Variants in MTCL1 observed in about 807,000 individuals in gnomAD.
MTCL1 encodes the protein microtubule crosslinking factor 1.
A neutral mutation model predicts 141.4 loss-of-function variants in MTCL1; 79 were observed. The observed-to-expected ratio is 0.56, with a 90% CI of 0.47 to 0.67. The LOEUF is 0.67. MTCL1 is among the 30% of genes least tolerant of loss of function. The probability of loss-of-function intolerance (pLI) is 0.00; values close to 1 mark genes in which losing one functional copy is unlikely to be tolerated. For missense variants in MTCL1, 2,177 were observed against 2,113.9 expected, an observed-to-expected ratio of 1.03 and a Z score of -0.59; for synonymous variants, 914 against 875.8, an observed-to-expected ratio of 1.04 and a Z score of -0.77.
Position 8,825,308 on chromosome 18 carries a change from G to T in MTCL1, c.3798G>T (p.Gly1266=), listed in dbSNP as rs779539066. 3.9e-6 allele frequency: 6 copies of T among 1,540,644 alleles called. No individual in the cohort carries two copies. The African/African-American group carries it at 5.5e-5, about 14-fold the overall frequency. The change falls in exon 15 of 17, where the codon GGG becomes GGT. Residue 1266 remains glycine, a synonymous_variant. Transcript: ENST00000359865. ...ATAGTCCCCTCTGTACCTCCCTGGG[G>T]TTTGCCTCCCCACTGCACAGCCTGG...
At chr18:8,829,462 G>C (rs1453643222) in intron 16 of MTCL1, 1 of 959,456 alleles carries the variant, frequency 1.0e-6, no homozygotes, top group African/African-American at 1.8e-5. Flanking sequence ...AATATATCTT[G>C]TCCTTCCAAG....
At chr18:8,751,157 T>G (rs192929085) in intron 4 of MTCL1, among the ~76,000 whole-genome samples, 1 of 152,220 alleles carries the variant, frequency 6.6e-6, no homozygotes, top group East Asian at 1.9e-4. Flanking sequence ...GAGAACAAAA[T>G]ATTTATGCAA....
intron 15 of MTCL1, among the ~76,000 whole-genome samples, chr18:8,826,548 T>C (rs1386278265): frequency 1.3e-5 from 2 of 152,190 alleles, no homozygotes; most frequent in Non-Finnish European, 2.9e-5. Context: ...CAGTTTGCCT[T>C]CTTTCTGTGT....
In MTCL1 at chr18:8,785,461, C is replaced by T. The variant is rs985592962; in HGVS notation, c.1732-475C>T. On this transcript the variant is annotated intron_variant, in intron 6 of 16. Coordinates refer to ENST00000359865, the Ensembl canonical transcript of MTCL1. ...CGCCCTGCCGCCGCTGGGGAGGGCG[C>T]GGAGGGTCTCCGAGGACTGCTGTCC... is the stretch of plus-strand genomic sequence containing the variant. 5.3e-5 allele frequency among the ~76,000 whole-genome samples: 8 copies of T among 152,080 alleles called. 1 individual carries two copies. In the South Asian group the frequency reaches 6.2e-4, roughly 12 times the overall value.
chr18:8,816,541 A>G (rs3865384), intron 12 of MTCL1, among the ~76,000 whole-genome samples: 97,960 of 151,364 alleles, frequency 0.65, 31,976 homozygotes, highest in Non-Finnish European at 0.68. Context: ...TTATGGAGTC[A>G]CACTACATTT....
chr18:8,791,272 T>C (rs1447564287), intron 7 of MTCL1, among the ~76,000 whole-genome samples: 2 of 152,112 alleles, frequency 1.3e-5, no homozygotes, highest in Admixed American at 6.5e-5. Context: ...CATGAGCCTC[T>C]GGATCAGGAG....
At chr18:8,706,330 C>A in exon 1 of MTCL1, 1 of 1,230,434 alleles carries the variant, frequency 8.1e-7, no homozygotes, top group Non-Finnish European at 1.0e-6. Context: ...GTCCGACGAG[C>A]AGCGCCTGCT....
chr18:8,734,032 C>T (rs992529255), intron 4 of MTCL1, among the ~76,000 whole-genome samples: 3 of 152,120 alleles, frequency 2.0e-5, no homozygotes, highest in African/African-American at 7.2e-5. Context: ...TCATCTAACC[C>T]TCGTGGAAAC....
intron 4 of MTCL1, among the ~76,000 whole-genome samples, chr18:8,736,233 G>A (rs943734712): frequency 6.6e-6 from 1 of 152,170 alleles, no homozygotes; most frequent in Non-Finnish European, 1.5e-5. Context: ...TGATTTCAGA[G>A]ATGTTAAAAT....
intron 12 of MTCL1, among the ~76,000 whole-genome samples, chr18:8,816,894 C>T (rs182308546): frequency 9.2e-4 from 140 of 152,328 alleles, no homozygotes; most frequent in African/African-American, 3.2e-3. Context: ...AGGAAACCCT[C>T]CCTCTCTGAG....
chr18:8,792,313 T>C (rs1211839526), intron 7 of MTCL1, among the ~76,000 whole-genome samples: 1 of 152,158 alleles, frequency 6.6e-6, no homozygotes, highest in Non-Finnish European at 1.5e-5. Flanking sequence ...ACATAAAAGG[T>C]AGACTTTACC....
chr18:8,739,661 G>A lies in MTCL1; in HGVS notation c.357+19165G>A, dbSNP rs549854549. ...CTGCTCAAAGGGGAGGTCTGTGTGT[G>A]GGTTTTAGTACTGATACCAAGAGGG... On this transcript the variant is annotated intron_variant, in intron 4 of 16. Coordinates refer to ENST00000359865, the Ensembl canonical transcript of MTCL1. Among the ~76,000 whole-genome samples, 3 of 152,162 alleles carry A rather than the reference G, an allele frequency of 2.0e-5. 1 individual carries two copies. Among genetic ancestry groups the A allele is most frequent in the Admixed American group, 1.3e-4 (2 of 15,284 alleles).
chr18:8,790,509 G>A (rs2075683014), intron 7 of MTCL1, among the ~76,000 whole-genome samples: 2 of 152,206 alleles, frequency 1.3e-5, no homozygotes, highest in Admixed American at 1.3e-4. Context: ...GTCCTGCACG[G>A]AACACCTGAG....
chr18:8,792,067 G>A (rs1196589337), intron 7 of MTCL1, among the ~76,000 whole-genome samples: 1 of 152,198 alleles, frequency 6.6e-6, no homozygotes, highest in Non-Finnish European at 1.5e-5. Flanking sequence ...TATCCTCAGG[G>A]AGAAGTAGTA....
chr18:8,793,147 A>G lies in MTCL1; in HGVS notation c.2010+27A>G, dbSNP rs756211639. ...TAAATATTTAACACGGACTCAGCAC[A>G]ACCGCTTTGTGAACTGCAGAGCCCC... On this transcript the variant is annotated intron_variant, in intron 8 of 16. Transcript: ENST00000359865. 7 of 1,610,902 alleles carry G rather than the reference A, an allele frequency of 4.3e-6. No individual in the cohort carries two copies. The African/African-American group carries it at 5.3e-5, about 12-fold the overall frequency.
At chr18:8,796,957 T>C (rs2075947701) in intron 9 of MTCL1, among the ~76,000 whole-genome samples, 1 of 152,246 alleles carries the variant, frequency 6.6e-6, no homozygotes, top group Non-Finnish European at 1.5e-5. Context: ...GAAGTCATTA[T>C]TATTGTAAAT....
intron 4 of MTCL1, among the ~76,000 whole-genome samples, chr18:8,771,282 A>C (rs755102694): frequency 1.3e-5 from 2 of 152,082 alleles, no homozygotes; most frequent in Admixed American, 6.6e-5. Flanking sequence ...AGCTCCCATG[A>C]CCGATTTAAT....
intron 5 of MTCL1, among the ~76,000 whole-genome samples, chr18:8,778,219 C>T (rs921577247): frequency 2.0e-5 from 3 of 152,180 alleles, no homozygotes; most frequent in African/African-American, 7.2e-5. Context: ...CAAAGTCATC[C>T]ACACAGTGAA....
intron 1 of MTCL1, among the ~76,000 whole-genome samples, chr18:8,707,854 T>A (rs1204170401): frequency 6.6e-6 from 1 of 152,190 alleles, no homozygotes; most frequent in African/African-American, 2.4e-5. Context: ...CACACGGAAA[T>A]CAGAGCACAT....
Sources: gnomAD v4.1 joint callset for allele counts (sites outside exome capture counted in the v4.1 genomes callset) on GRCh38, gnomAD v4.1.1 for gene constraint, MANE v1.5 for transcripts, NCBI Gene and HGNC (gene_info 2026-07-23, HGNC 2026-07-21) for gene names.